Variants in ADAMTS14 observed in about 807,000 individuals in gnomAD.
ADAMTS14 encodes ADAM metallopeptidase with thrombospondin type 1 motif 14.
ADAMTS14 carries 100 observed loss-of-function variants against 128.6 expected under a neutral mutation model. That is an observed-to-expected ratio of 0.78 (90% CI 0.66 to 0.92). The LOEUF is 0.92. Ranked by LOEUF, ADAMTS14 falls within the 40% of genes least tolerant of loss-of-function variation. ADAMTS14 has a pLI of 0.00. For synonymous variants in ADAMTS14, 665 were observed against 653.8 expected (o/e 1.02, Z -0.26); for missense variants, 1,562 against 1,658.6 (o/e 0.94, Z 1.01).
At chr10:70,754,044 G>A in intron 19 of ADAMTS14, 37 bp downstream of exon 19, 3 of 1,496,632 alleles carry the variant, frequency 2.0e-6, no homozygotes, top group Non-Finnish European at 1.8e-6. Context: ...GGCTTGGGGA[G>A]GAGGTGGGTC....
chr10:70,743,814 C>A, intron 13 of ADAMTS14, 133 bp downstream of exon 13: 1 of 1,341,366 alleles, frequency 7.5e-7, no homozygotes, highest in Non-Finnish European at 9.9e-7. Flanking sequence ...CTCAGCATAG[C>A]CCTGGGGTGC....
At chr10:70,754,501 C>T (rs902145525) in intron 19 of ADAMTS14, among the ~76,000 whole-genome samples, 17 of 152,012 alleles carry the variant, frequency 1.1e-4, no homozygotes, top group Non-Finnish European at 2.2e-4. Flanking sequence ...GGATGGAGGG[C>T]GGTCAGAGGG....
Position 70,743,685 on chromosome 10 carries a change from G to T in ADAMTS14, c.2058+4G>T, listed in dbSNP as rs1842079714. The T allele has an allele frequency of 1.3e-6, 2 of 1,576,706 alleles. No homozygotes were observed. Among genetic ancestry groups the T allele is most frequent in the South Asian group, 2.3e-5 (2 of 86,526 alleles). Reference sequence around the variant, plus strand: ...CTGTGCGCGTGGCGAGTGTGTGGTGGGTGCACCCCCAGCCACCCCGACTAC... The same window carrying T: ...CTGTGCGCGTGGCGAGTGTGTGGTGTGTGCACCCCCAGCCACCCCGACTAC... On this transcript the variant is annotated splice_donor_region_variant and intron_variant, in intron 13 of 21. Coordinates refer to ENST00000373207, the MANE Select transcript of ADAMTS14 (RefSeq NM_080722.4).
At chr10:70,744,797 G>A (rs772114899) in intron 14 of ADAMTS14, among the ~76,000 whole-genome samples, 1 of 152,162 alleles carries the variant, frequency 6.6e-6, no homozygotes, top group South Asian at 2.1e-4. Flanking sequence ...CCAGGCCTTG[G>A]GTCGGGAGGG....
At chr10:70,745,382 G>A (rs778011440) in intron 15 of ADAMTS14, 76 bp downstream of exon 15, 5 of 1,470,330 alleles carry the variant, frequency 3.4e-6, no homozygotes, top group Non-Finnish European at 4.7e-6. Context: ...TGGGAGACCA[G>A]AGGACAAGAT....
At chr10:70,705,080 T>C (rs1428759587) in intron 3 of ADAMTS14, among the ~76,000 whole-genome samples, 1 of 152,088 alleles carries the variant, frequency 6.6e-6, no homozygotes, top group African/African-American at 2.4e-5. Context: ...CATACTCTCA[T>C]ATATACACAC....
Position 70,741,048 on chromosome 10 carries a change from G to A in ADAMTS14, c.1810G>A (p.Glu604Lys), listed in dbSNP as rs1488307751. Residue 604 changes from glutamate (E) to lysine (K), a missense_variant, in exon 12 of 22, where the codon GAG becomes AAG. Coordinates refer to ENST00000373207, the MANE Select transcript of ADAMTS14 (RefSeq NM_080722.4). Reference protein sequence around the residue: ...PMFEYQVCNSEECPGTYEDFR... With the variant: ...PMFEYQVCNSKECPGTYEDFR... The stretch of plus-strand genomic sequence containing the variant: ...GTTCGAGTACCAGGTCTGCAACAGC[G>A]AGGAGTGCCCTGGGACCTACGAGGA... 2.5e-6 allele frequency: 4 copies of A among 1,614,134 alleles called. No homozygotes were observed. Among genetic ancestry groups the A allele is most frequent in the East Asian group, 2.2e-5 (1 of 44,886 alleles).
intron 4 of ADAMTS14, among the ~76,000 whole-genome samples, chr10:70,712,290 C>G (rs546370655): frequency 6.6e-6 from 1 of 152,116 alleles, no homozygotes; most frequent in African/African-American, 2.4e-5. Context: ...TCAGGATGCC[C>G]AAGAGTGGTA....
intron 2 of ADAMTS14, 32 bp downstream of exon 2, chr10:70,675,027 C>T (rs1423188369): frequency 6.3e-7 from 1 of 1,599,462 alleles, no homozygotes. Flanking sequence ...AAGCTGCATC[C>T]TCCCCCTCCC....
In ADAMTS14 at chr10:70,696,513, G is replaced by A. The variant is rs191872622; in HGVS notation, c.523-5799G>A. ...GAACAGTAGGCACCTGTGTGCACGC[G>A]TGGAGTAAGTGGATGGTTGGGCTGA... On this transcript the variant is annotated intron_variant, in intron 2 of 21. Transcript: ENST00000373207. Among the ~76,000 whole-genome samples the A allele has an allele frequency of 1.9e-3, 290 of 152,276 alleles. 6 individuals carry two copies. Among genetic ancestry groups the A allele is most frequent in the Admixed American group, 0.016 (248 of 15,304 alleles).
chr10:70,718,949 G>GC (rs1237344443), intron 4 of ADAMTS14, among the ~76,000 whole-genome samples: 1 of 151,630 alleles, frequency 6.6e-6, no homozygotes, highest in Non-Finnish European at 1.5e-5. Context: ...TCCTGCCTTG[G>GC]CCCCCCAGAG....
chr10:70,742,013 C>T (rs946572885), intron 12 of ADAMTS14, among the ~76,000 whole-genome samples: 1 of 152,212 alleles, frequency 6.6e-6, no homozygotes, highest in African/African-American at 2.4e-5. Flanking sequence ...GGGCTTTCCT[C>T]CCTGGAGCCT....
At chr10:70,739,300 G>C (rs575540908) in intron 11 of ADAMTS14, among the ~76,000 whole-genome samples, 1 of 152,042 alleles carries the variant, frequency 6.6e-6, no homozygotes, top group Non-Finnish European at 1.5e-5. Context: ...TCATGACCCC[G>C]ACCCTCTGGC....
chr10:70,716,571 GC>G (rs1841053186), intron 4 of ADAMTS14, among the ~76,000 whole-genome samples: 1 of 152,202 alleles, frequency 6.6e-6, no homozygotes, highest in Non-Finnish European at 1.5e-5. Flanking sequence ...TTGTGTGGAA[GC>G]TTTTATTTGG....
At chr10:70,752,811 C>A (rs1039861353) in intron 18 of ADAMTS14, among the ~76,000 whole-genome samples, 11 of 152,146 alleles carry the variant, frequency 7.2e-5, no homozygotes, top group African/African-American at 2.7e-4. Flanking sequence ...GCTGGGGGAG[C>A]CCCAGGGCTG....
Position 70,761,561 on chromosome 10 carries a change from T to A in ADAMTS14, c.*708T>A, listed in dbSNP as rs1409748067. ...AGTGTTACTTCTAGTGACTCCAGATTACAGACTGGCCCCCCAATCTCACCC... is the reference window on the plus strand; with the variant it reads ...AGTGTTACTTCTAGTGACTCCAGATAACAGACTGGCCCCCCAATCTCACCC... On this transcript the variant is annotated 3_prime_UTR_variant, in exon 22 of 22. Transcript: ENST00000373207. 6.6e-6 allele frequency: 1 copy of A among 152,116 alleles called. No homozygotes were observed. The highest frequency in any genetic ancestry group is 1.5e-5 in the Non-Finnish European group (1 of 68,056). 9.4% of individuals were successfully genotyped at this position (152,116 alleles called of 1,614,324 possible).
At chr10:70,718,978 G>A (rs1841159762) in intron 4 of ADAMTS14, among the ~76,000 whole-genome samples, 1 of 152,012 alleles carries the variant, frequency 6.6e-6, no homozygotes, top group Admixed American at 6.6e-5. Flanking sequence ...TTACAGGTAT[G>A]AGCCATGGCA....
chr10:70,682,787 C>T (rs1442922192), intron 2 of ADAMTS14, among the ~76,000 whole-genome samples: 1 of 152,078 alleles, frequency 6.6e-6, no homozygotes, highest in African/African-American at 2.4e-5. Flanking sequence ...CCCGTGTTGG[C>T]CTTGGACCCC....
chr10:70,727,577 TC>T (rs773013122), intron 4 of ADAMTS14, among the ~76,000 whole-genome samples: 8 of 151,884 alleles, frequency 5.3e-5, no homozygotes, highest in Non-Finnish European at 1.0e-4. Context: ...TGGCATCACA[TC>T]CCTGACTGCG....
Sources: gnomAD v4.1 joint callset for allele counts (sites outside exome capture counted in the v4.1 genomes callset) on GRCh38, gnomAD v4.1.1 for gene constraint, MANE v1.5 for transcripts, NCBI Gene and HGNC (gene_info 2026-07-23, HGNC 2026-07-21) for gene names.